ZNF385C: variants seen among roughly 807,000 people sequenced by gnomAD.
ZNF385C encodes the protein CTD-2132N18.2.
Under a neutral mutation model 35.4 loss-of-function variants are expected in ZNF385C, and 28 were observed. That is an observed-to-expected ratio of 0.79 (90% CI 0.59 to 1.08). ZNF385C has a LOEUF of 1.08. ZNF385C is among the 50% of genes least tolerant of loss of function. The pLI is 0.00. For missense variants in ZNF385C, 605 were observed against 595.6 expected (o/e 1.02, Z -0.16); for synonymous variants, 248 against 248.2 (o/e 1.00, Z 0.01).
At chr17:42,028,612 C>T in intron 6 of ZNF385C, 171 bp downstream of exon 6, 1 of 833,246 alleles carries the variant, frequency 1.2e-6, no homozygotes, top group East Asian at 2.7e-5. Flanking sequence ...TTCTCCTTCC[C>T]CAAGGAGTAA....
At chr17:42,064,073 TACACACACACACACACACACACACAC>T (rs55771386) in intron 1 of ZNF385C, among the ~76,000 whole-genome samples, 20 of 129,742 alleles carry the variant, frequency 1.5e-4, no homozygotes, top group Admixed American at 1.5e-3. Flanking sequence ...CACACGCACA[TACACACACACACACACACACACACAC>T]ACACACACAC....
intron 1 of ZNF385C, among the ~76,000 whole-genome samples, chr17:42,087,293 C>T (rs951368624): frequency 6.6e-6 from 1 of 152,136 alleles, no homozygotes; most frequent in South Asian, 2.1e-4. Context: ...CATATATGCA[C>T]GCTGGGACTA....
chr17:42,041,220 G>A, intron 2 of ZNF385C: 1 of 1,232,490 alleles, frequency 8.1e-7, no homozygotes, highest in Non-Finnish European at 1.0e-6. Flanking sequence ...AAGGGAGGGA[G>A]GACTGAGTTA....
intron 1 of ZNF385C, among the ~76,000 whole-genome samples, chr17:42,073,395 T>C (rs1231921101): frequency 6.6e-6 from 1 of 151,838 alleles, no homozygotes; most frequent in African/African-American, 2.4e-5. Context: ...AACCACCCCA[T>C]TGCACTCCAG....
At chr17:42,027,597 C>T in intron 8 of ZNF385C, 21 bp downstream of exon 8, 2 of 1,476,292 alleles carry the variant, frequency 1.4e-6, no homozygotes, top group South Asian at 2.5e-5. Context: ...AGTCCCAGCT[C>T]TGTTGCCTGG....
At chr17:42,070,746 T>C (rs944158548) in intron 1 of ZNF385C, among the ~76,000 whole-genome samples, 1 of 152,162 alleles carries the variant, frequency 6.6e-6, no homozygotes, top group East Asian at 1.9e-4. Flanking sequence ...TGTGGGATCC[T>C]GGCCCTCCCT....
At position 42,026,763 on chromosome 17, in the gene ZNF385C, C is replaced by CA; in HGVS notation, c.*133dup. ...AAGGCAGCTGCCCTTAAAACTAGCC[C>CA]AGCTCTTTCTGGATCGGGCAGGACC... On this transcript the variant is annotated 3_prime_UTR_variant, in exon 9 of 9. Transcript: ENST00000692273. 1 of 898,590 alleles carries CA rather than the reference C, an allele frequency of 1.1e-6. No homozygotes were observed. Among genetic ancestry groups the CA allele is most frequent in the South Asian group, 1.5e-5 (1 of 68,254 alleles). The allele number at this position is 898,590 out of a possible 1,614,324, so 55.7% of individuals were successfully genotyped here. A position where few individuals can be genotyped will look rare whatever the true frequency, so the allele number is the denominator to read the frequency against.
chr17:42,039,902 C>A (rs1450676019), intron 2 of ZNF385C: 2 of 1,231,368 alleles, frequency 1.6e-6, no homozygotes, highest in South Asian at 8.2e-5. Flanking sequence ...AGCAGGCCAG[C>A]GCCCGCGGGC....
At chr17:42,090,580 C>T (rs2053856074) in intron 1 of ZNF385C, among the ~76,000 whole-genome samples, 1 of 151,826 alleles carries the variant, frequency 6.6e-6, no homozygotes, top group Non-Finnish European at 1.5e-5. Context: ...CCACCACACC[C>T]AGCCTCTTAT....
chr17:42,037,919 G>T (rs1464065738), intron 2 of ZNF385C, 34 bp from the exon 3 acceptor site: 22 of 1,544,754 alleles, frequency 1.4e-5, no homozygotes, highest in Non-Finnish European at 1.9e-5. Context: ...TCTGAAATGG[G>T]CTCTGTCCTA....
At chr17:42,055,000 G>T (rs1212193008) in intron 2 of ZNF385C, among the ~76,000 whole-genome samples, 1 of 151,762 alleles carries the variant, frequency 6.6e-6, no homozygotes, top group East Asian at 1.9e-4. Flanking sequence ...GCTCTTTACC[G>T]ACCTGAGCAC....
At chr17:42,075,640 G>A (rs571718399) in intron 1 of ZNF385C, among the ~76,000 whole-genome samples, 9 of 151,864 alleles carry the variant, frequency 5.9e-5, no homozygotes, top group Admixed American at 3.9e-4. Context: ...GACTACAGGC[G>A]CCCACCACCA....
chr17:42,052,341 G>GAC (rs1251285378), intron 2 of ZNF385C, among the ~76,000 whole-genome samples: 1 of 152,046 alleles, frequency 6.6e-6, no homozygotes, highest in African/African-American at 2.4e-5. Context: ...CAGACAGACA[G>GAC]ACACACACAC....
intron 1 of ZNF385C, among the ~76,000 whole-genome samples, chr17:42,085,658 C>T (rs925779474): frequency 7.0e-6 from 1 of 142,628 alleles, no homozygotes; most frequent in African/African-American, 2.6e-5. Flanking sequence ...AGTGCAGTGG[C>T]GCGATCTCGG....
At chr17:42,068,018 C>A (rs556407103) in intron 1 of ZNF385C, among the ~76,000 whole-genome samples, 1 of 152,314 alleles carries the variant, frequency 6.6e-6, no homozygotes, top group Non-Finnish European at 1.5e-5. Flanking sequence ...ACGGGGCCGC[C>A]TGGATTCTGG....
intron 2 of ZNF385C, chr17:42,040,987 G>A: frequency 8.1e-7 from 1 of 1,232,296 alleles, no homozygotes; most frequent in East Asian, 3.2e-5. Context: ...GAGCTGGCCA[G>A]CAGTGGCCTC....
chr17:42,027,152 A>T lies in ZNF385C; in HGVS notation c.1276-19T>A. 1.2e-6 allele frequency: 2 copies of T among 1,608,948 alleles called. No homozygotes were observed. Among genetic ancestry groups the T allele is most frequent in the Non-Finnish European group, 1.7e-6 (2 of 1,176,286 alleles). On this transcript the variant is annotated intron_variant, in intron 8 of 8. Coordinates refer to ENST00000692273, the MANE Select transcript of ZNF385C (RefSeq NM_001392013.1). ...GTTTAGACTACACGGAAAAGAAAGG[A>T]ATGGACACAGTCTCCACCCCAGAAA...
chr17:42,043,298 A>G, intron 2 of ZNF385C: 1 of 1,232,250 alleles, frequency 8.1e-7, no homozygotes, highest in Non-Finnish European at 1.0e-6. Context: ...TCCTCTTTCC[A>G]GTGCTCGTTG....
chr17:42,073,952 G>A, intron 1 of ZNF385C, among the ~76,000 whole-genome samples: 1 of 127,388 alleles, frequency 7.9e-6, no homozygotes, highest in East Asian at 1.9e-4. Context: ...GCACTTCCTG[G>A]TTCACCAACC....
Sources: gnomAD v4.1 joint callset for allele counts (sites outside exome capture counted in the v4.1 genomes callset) on GRCh38, gnomAD v4.1.1 for gene constraint, MANE v1.5 for transcripts, NCBI Gene and HGNC (gene_info 2026-07-23, HGNC 2026-07-21) for gene names.